Variants in ARHGAP39 observed in about 807,000 individuals in gnomAD.
ARHGAP39 encodes rho GTPase-activating protein 39.
Under a neutral mutation model 106.9 loss-of-function variants are expected in ARHGAP39, and 44 were observed. The observed-to-expected ratio is 0.41, with a 90% CI of 0.32 to 0.53. The LOEUF (loss-of-function observed/expected upper bound fraction) is 0.53. ARHGAP39 is among the 20% of genes least tolerant of loss of function. The pLI, the probability that ARHGAP39 is intolerant of heterozygous loss-of-function variation, is 0.21. For synonymous variants in ARHGAP39, 768 were observed against 693.2 expected, an observed-to-expected ratio of 1.11 and a Z score of -1.69; for missense variants, 1,496 against 1,577.3, an observed-to-expected ratio of 0.95 and a Z score of 0.87.
chr8:144,560,689 GC>G (rs1818109510), intron 3 of ARHGAP39, among the ~76,000 whole-genome samples: 1 of 152,202 alleles, frequency 6.6e-6, no homozygotes, highest in African/African-American at 2.4e-5. Context: ...TCGAGGACCA[GC>G]GGTGCGCGGG....
chr8:144,667,874 A>G (rs916808900), intron 1 of ARHGAP39, among the ~76,000 whole-genome samples: 1 of 152,260 alleles, frequency 6.6e-6, no homozygotes, highest in Non-Finnish European at 1.5e-5. Flanking sequence ...AACAATGCCA[A>G]CAGCAATGAA....
At chr8:144,689,445 T>C (rs1822700590), upstream of ARHGAP39, among the ~76,000 whole-genome samples, 3 of 134,302 alleles carry the variant, frequency 2.2e-5, no homozygotes, top group Admixed American at 2.2e-4. Context: ...TTTTTTTTTT[T>C]TTTTTTTTTG....
At chr8:144,631,167 C>A (rs898462700) in intron 1 of ARHGAP39, among the ~76,000 whole-genome samples, 1 of 152,210 alleles carries the variant, frequency 6.6e-6, no homozygotes, top group Admixed American at 6.5e-5. Flanking sequence ...GTGGGCCAAG[C>A]CATTCATGAG....
At chr8:144,607,019 A>T (rs1199621904) in intron 1 of ARHGAP39, among the ~76,000 whole-genome samples, 2 of 151,234 alleles carry the variant, frequency 1.3e-5, no homozygotes, top group Non-Finnish European at 3.0e-5. Context: ...AAAAACCCAC[A>T]TCCTAAGTGG....
At chr8:144,587,507 C>T (rs1021511241) in intron 2 of ARHGAP39, among the ~76,000 whole-genome samples, 1 of 152,118 alleles carries the variant, frequency 6.6e-6, no homozygotes, top group Non-Finnish European at 1.5e-5. Flanking sequence ...TAAGAAGAAA[C>T]TAATGCTGAA....
intron 2 of ARHGAP39, among the ~76,000 whole-genome samples, chr8:144,603,913 G>A (rs1000019963): frequency 2.6e-5 from 4 of 152,092 alleles, no homozygotes; most frequent in Admixed American, 1.3e-4. Flanking sequence ...CCAGCGAGAC[G>A]CTTAGGGGCC....
At chr8:144,691,565 C>T in the ARHGAP39 span, among the ~76,000 whole-genome samples, 211 of 152,202 alleles carry the variant, frequency 1.4e-3, no homozygotes, top group Middle Eastern at 3.4e-3. Flanking sequence ...TGTGCAGGTC[C>T]CTCCCCCAGT....
intron 3 of ARHGAP39, among the ~76,000 whole-genome samples, chr8:144,564,433 T>G (rs1240077202): frequency 6.6e-6 from 1 of 152,044 alleles, no homozygotes; most frequent in African/African-American, 2.4e-5. Context: ...CTCCTCAGAA[T>G]GCACTGAATC....
rs1822080649 is a variant in ARHGAP39, at chr8:144,670,741, T to G, written c.-82+14945A>C. Among the ~76,000 whole-genome samples, 1 of 152,142 alleles carries G rather than the reference T, an allele frequency of 6.6e-6. No homozygotes were observed. Among genetic ancestry groups the G allele is most frequent in the Non-Finnish European group, 1.5e-5 (1 of 68,040 alleles). The stretch of plus-strand genomic sequence containing the variant: ...CTGAGCTCCTCATCTAAATGAAGCA[T>G]GCTAGATTTGCTGTCACAGCCTCAT... On this transcript the variant is annotated intron_variant, in intron 1 of 11. Coordinates refer to ENST00000377307, the MANE Select transcript of ARHGAP39 (RefSeq NM_025251.3). The surrounding 1 kb of genome is among the most constrained non-coding windows in gnomAD (Gnocchi z 4.4).
Position 144,681,316 on chromosome 8 carries a change from C to T in ARHGAP39, c.-82+4370G>A, listed in dbSNP as rs556811279. Reference sequence around the variant, plus strand: ...AGGAGACAGGCCAGGCAGGGTAGTCCAGCTCTGCGAGGGAGTCTGTCCAGC... The same window carrying T: ...AGGAGACAGGCCAGGCAGGGTAGTCTAGCTCTGCGAGGGAGTCTGTCCAGC... On this transcript the variant is annotated intron_variant, in intron 1 of 11. Coordinates refer to ENST00000377307, the MANE Select transcript of ARHGAP39 (RefSeq NM_025251.3). 1.1e-4 allele frequency among the ~76,000 whole-genome samples: 16 copies of T among 152,196 alleles called. No individual in the cohort carries two copies. The East Asian group carries it at 2.9e-3, about 28-fold the overall frequency.
chr8:144,532,477 GGCCCCTGCTGACCCGGGGAGGGGA>G, intron 9 of ARHGAP39, 81 bp from the exon 10 acceptor site: 1 of 1,309,700 alleles, frequency 7.6e-7, no homozygotes, highest in Non-Finnish European at 1.1e-6. Flanking sequence ...CCCTCCGGTA[GGCCCCTGCTGACCCGGGGAGGGGA>G]GCAAAACCTC....
At chr8:144,536,966 C>T (rs1001486134) in intron 7 of ARHGAP39, among the ~76,000 whole-genome samples, 1 of 152,224 alleles carries the variant, frequency 6.6e-6, no homozygotes. Context: ...GAGCTCTAGA[C>T]AGATGAGTGG....
In ARHGAP39 at chr8:144,593,752, T is replaced by C. The variant is rs563915970; in HGVS notation, c.80+11783A>G. Reference sequence around the variant, plus strand: ...GAGACTGCAGTGAGCCCTGATCTACTGCACTCCCGTCTGCGCAACAGAGTG... The same window carrying C: ...GAGACTGCAGTGAGCCCTGATCTACCGCACTCCCGTCTGCGCAACAGAGTG... On this transcript the variant is annotated intron_variant, in intron 2 of 11. Coordinates refer to ENST00000377307, the MANE Select transcript of ARHGAP39 (RefSeq NM_025251.3). Among the ~76,000 whole-genome samples, 4 of 152,056 alleles carry C rather than the reference T, an allele frequency of 2.6e-5. No individual in the cohort carries two copies. The South Asian group carries it at 8.3e-4, about 32-fold the overall frequency.
At chr8:144,567,997 A>G (rs982020373) in intron 3 of ARHGAP39, among the ~76,000 whole-genome samples, 6 of 151,808 alleles carry the variant, frequency 4.0e-5, no homozygotes, top group South Asian at 2.1e-4. Context: ...TTGTGTCTTT[A>G]TTTCTACAAT....
At chr8:144,631,312 G>A (rs987015785) in intron 1 of ARHGAP39, among the ~76,000 whole-genome samples, 4 of 152,222 alleles carry the variant, frequency 2.6e-5, no homozygotes, top group African/African-American at 7.2e-5. Flanking sequence ...CAGCAGGAAC[G>A]GACGAGGCCC....
chr8:144,616,284 A>G (rs1820633861), intron 1 of ARHGAP39, among the ~76,000 whole-genome samples: 1 of 152,202 alleles, frequency 6.6e-6, no homozygotes, highest in Non-Finnish European at 1.5e-5. Context: ...CCATGGTCAA[A>G]AGAGAGACCT....
chr8:144,673,190 C>G lies in ARHGAP39; in HGVS notation c.-82+12496G>C, dbSNP rs116650312. Among the ~76,000 whole-genome samples, 484 of 150,202 alleles carry G rather than the reference C, an allele frequency of 3.2e-3. 1 individual carries two copies. Among genetic ancestry groups the G allele is most frequent in the African/African-American group, 0.011 (459 of 40,010 alleles). On this transcript the variant is annotated intron_variant, in intron 1 of 11. Coordinates refer to ENST00000377307, the MANE Select transcript of ARHGAP39 (RefSeq NM_025251.3). ...AGATATCATGCCACTGCCCCCTAGCCTGGGTGATAGATTGAGAACCTGTCT... is the reference window on the plus strand; with the variant it reads ...AGATATCATGCCACTGCCCCCTAGCGTGGGTGATAGATTGAGAACCTGTCT...
chr8:144,657,414 CA>C (rs1229680438), intron 1 of ARHGAP39, among the ~76,000 whole-genome samples: 1 of 152,124 alleles, frequency 6.6e-6, no homozygotes, highest in Non-Finnish European at 1.5e-5. Flanking sequence ...CAACTCTGAT[CA>C]TGCTACTGCA....
rs1821305543 is a variant in ARHGAP39, at chr8:144,641,176, G to T, written c.-81-35481C>A. Among the ~76,000 whole-genome samples, 1 of 152,050 alleles carries T rather than the reference G, an allele frequency of 6.6e-6. No homozygotes were observed. The highest frequency in any genetic ancestry group is 2.1e-4 in the South Asian group (1 of 4,816). ...CTGTTCTGCCACAGGATCACGGGGGGAAAGACCACACCGGCTTCTGGTTCT... is the reference window on the plus strand; with the variant it reads ...CTGTTCTGCCACAGGATCACGGGGGTAAAGACCACACCGGCTTCTGGTTCT... On this transcript the variant is annotated intron_variant, in intron 1 of 11. Coordinates refer to ENST00000377307, the MANE Select transcript of ARHGAP39 (RefSeq NM_025251.3). This position sits in a 1 kb window ranked among gnomAD's most constrained non-coding sequence, Gnocchi z 5.2.
Sources: allele counts gnomAD v4.1 joint callset (sites outside exome capture counted in the v4.1 genomes callset), GRCh38; gene constraint gnomAD v4.1.1; non-coding constraint Gnocchi (gnomAD v3.1); transcripts MANE v1.5; gene names NCBI Gene and HGNC (gene_info 2026-07-23, HGNC 2026-07-21).